The following FAM117B variants were observed in gnomAD, a reference collection of about 807,000 sequenced individuals.
The protein encoded by FAM117B is family with sequence similarity 117 member B, also known as protein FAM117B.
Under a neutral mutation model 52.8 loss-of-function variants are expected in FAM117B, and 22 were observed. The ratio of observed to expected loss-of-function variants is 0.42; its 90% CI spans 0.30 to 0.59. The LOEUF (loss-of-function observed/expected upper bound fraction) is 0.59. Ranked by LOEUF, FAM117B falls within the 20% of genes least tolerant of loss-of-function variation. FAM117B has a pLI of 0.22. For missense variants in FAM117B, 678 were observed against 802.6 expected (o/e 0.84, Z 1.88); for synonymous variants, 309 against 324.1 (o/e 0.95, Z 0.50).
At position 202,646,809 on chromosome 2, in the gene FAM117B, C is replaced by T. The variant is rs116012649; in HGVS notation, c.601+11021C>T. Reference sequence around the variant, plus strand: ...GTAAAGGAAACTTTAGTTTTTCCTTCTAAAGAAATTCCTGTATGATTTTTT... The same window carrying T: ...GTAAAGGAAACTTTAGTTTTTCCTTTTAAAGAAATTCCTGTATGATTTTTT... On this transcript the variant is annotated intron_variant, in intron 1 of 7. Transcript: ENST00000392238. Among the ~76,000 whole-genome samples, 943 of 152,148 alleles carry T rather than the reference C, an allele frequency of 6.2e-3. 4 individuals are homozygous for T. The highest frequency in any genetic ancestry group is 0.011 in the Admixed American group (172 of 15,278).
chr2:202,713,043 C>T (rs995716782), intron 2 of FAM117B, among the ~76,000 whole-genome samples: 9 of 152,178 alleles, frequency 5.9e-5, no homozygotes, highest in East Asian at 1.9e-4. Context: ...ATACTGGCCT[C>T]GTAGAATGAG....
intron 1 of FAM117B, among the ~76,000 whole-genome samples, chr2:202,680,412 A>C (rs1690444930): frequency 6.6e-6 from 1 of 152,086 alleles, no homozygotes; most frequent in African/African-American, 2.4e-5. Context: ...TAAAACTTAA[A>C]GTATAATTTA....
intron 7 of FAM117B, among the ~76,000 whole-genome samples, chr2:202,763,583 G>T (rs1022477785): frequency 6.6e-6 from 1 of 152,080 alleles, no homozygotes; most frequent in African/African-American, 2.4e-5. Context: ...CTCAAGTTCA[G>T]TGTATTGAAA....
chr2:202,725,247 C>T, intron 3 of FAM117B: 1 of 279,938 alleles, frequency 3.6e-6, no homozygotes. Context: ...TCATACCTGT[C>T]TATTAACATC....
chr2:202,749,051 GA>G (rs1166625912), intron 4 of FAM117B, among the ~76,000 whole-genome samples: 1 of 151,828 alleles, frequency 6.6e-6, no homozygotes, highest in Non-Finnish European at 1.5e-5. Flanking sequence ...CAAAGGTTTA[GA>G]AAAAATAAAT....
intron 6 of FAM117B, 146 bp from the exon 7 acceptor site, chr2:202,759,087 C>T (rs1266652259): frequency 1.2e-6 from 1 of 803,854 alleles, no homozygotes; most frequent in African/African-American, 1.7e-5. Flanking sequence ...TTTGTGTGTG[C>T]ATTTATTTAA....
In FAM117B at chr2:202,635,362, G is replaced by T. The variant is rs1221378404; in HGVS notation, c.175G>T (p.Gly59Cys). Reference sequence around the variant, plus strand: ...ACATGGCAGCCCCACGCGGAGCGGCGGCGGCGGCGGCGGCAACAACAACGG... The same window carrying T: ...ACATGGCAGCCCCACGCGGAGCGGCTGCGGCGGCGGCGGCAACAACAACGG... The part of the protein sequence containing the change: ...QQHGSPTRSG[G>C]GGGGNNNGGC... The change falls in exon 1 of 8, where the codon GGC (glycine) becomes TGC (cysteine). Residue 59 changes from glycine to cysteine, a missense_variant. By Grantham distance (159) the Gly-to-Cys change is radical. Transcript: ENST00000392238. 1.4e-5 allele frequency: 19 copies of T among 1,368,338 alleles called. No individual in the cohort carries two copies. Among genetic ancestry groups the T allele is most frequent in the Admixed American group, 3.2e-5 (1 of 31,088 alleles). The allele number at this position is 1,368,338 out of a possible 1,614,324, so 84.8% of individuals were successfully genotyped here. A position where few individuals can be genotyped will look rare whatever the true frequency, so the allele number is the denominator to read the frequency against.
At chr2:202,646,258 G>A (rs1162567874) in intron 1 of FAM117B, among the ~76,000 whole-genome samples, 1 of 152,208 alleles carries the variant, frequency 6.6e-6, no homozygotes, top group African/African-American at 2.4e-5. Flanking sequence ...TGATCCGCCT[G>A]TCTCCACCAG....
In FAM117B at chr2:202,678,080, A is replaced by G. The variant is rs553133438; in HGVS notation, c.602-17801A>G. Among the ~76,000 whole-genome samples, 385 of 152,338 alleles carry G rather than the reference A, an allele frequency of 2.5e-3. 2 individuals carry two copies. The highest frequency in any genetic ancestry group is 4.7e-3 in the Non-Finnish European group (319 of 68,032). ...ATATATTAATATGATATATATTATC[A>G]TAATCATTATCATATCATGTAATTA... On this transcript the variant is annotated intron_variant, in intron 1 of 7. Transcript: ENST00000392238.
intron 1 of FAM117B, among the ~76,000 whole-genome samples, chr2:202,671,661 A>G (rs1356438013): frequency 6.6e-6 from 1 of 152,232 alleles, no homozygotes; most frequent in African/African-American, 2.4e-5. Context: ...AATACATTGT[A>G]TATTCTCAAA....
chr2:202,690,864 C>G (rs1391737255), intron 1 of FAM117B, among the ~76,000 whole-genome samples: 2 of 152,126 alleles, frequency 1.3e-5, no homozygotes, highest in Admixed American at 1.3e-4. Context: ...GATTTTCCTC[C>G]CATAACCTCC....
intron 1 of FAM117B, among the ~76,000 whole-genome samples, chr2:202,654,507 T>C (rs1384389534): frequency 6.6e-6 from 1 of 152,152 alleles, no homozygotes; most frequent in African/African-American, 2.4e-5. Context: ...TGGAAATTTT[T>C]TTTAATACTG....
chr2:202,692,830 CT>C (rs910075693), intron 1 of FAM117B, among the ~76,000 whole-genome samples: 48 of 151,220 alleles, frequency 3.2e-4, no homozygotes, highest in African/African-American at 1.0e-3. Flanking sequence ...TTAATTCTGC[CT>C]TTTTTTTTAA....
chr2:202,655,566 G>T (rs1690039076), intron 1 of FAM117B, among the ~76,000 whole-genome samples: 1 of 152,006 alleles, frequency 6.6e-6, no homozygotes, highest in African/African-American at 2.4e-5. Flanking sequence ...GGGAAAGTTG[G>T]CTTTATAAAA....
intron 1 of FAM117B, among the ~76,000 whole-genome samples, chr2:202,668,431 G>C (rs1690241879): frequency 6.9e-6 from 1 of 145,868 alleles, no homozygotes; most frequent in Non-Finnish European, 1.5e-5. Flanking sequence ...CGGAGGCTGA[G>C]GCAGGAGAAT....
At chr2:202,642,903 G>C in intron 1 of FAM117B, among the ~76,000 whole-genome samples, 1 of 152,254 alleles carries the variant, frequency 6.6e-6, no homozygotes, top group East Asian at 1.9e-4. Flanking sequence ...TGTGAAATGT[G>C]GTAGGAGGAG....
intron 4 of FAM117B, among the ~76,000 whole-genome samples, chr2:202,748,083 T>A (rs185326051): frequency 8.5e-5 from 13 of 152,088 alleles, no homozygotes; most frequent in African/African-American, 3.1e-4. Flanking sequence ...GCTATAGTCA[T>A]CCAAACAGCA....
intron 4 of FAM117B, among the ~76,000 whole-genome samples, chr2:202,728,108 T>C (rs890209472): frequency 2.0e-5 from 3 of 152,126 alleles, no homozygotes; most frequent in East Asian, 3.9e-4. Flanking sequence ...GCCTGCTGAG[T>C]AGATGAGACT....
chr2:202,684,801 T>C (rs1275371742), intron 1 of FAM117B, among the ~76,000 whole-genome samples: 1 of 152,072 alleles, frequency 6.6e-6, no homozygotes, highest in East Asian at 1.9e-4. Flanking sequence ...TTGATGAAAG[T>C]GTTGTGATTA....
Sources: allele counts gnomAD v4.1 joint callset (sites outside exome capture counted in the v4.1 genomes callset), GRCh38; gene constraint gnomAD v4.1.1; transcripts MANE v1.5; gene names NCBI Gene and HGNC (gene_info 2026-07-23, HGNC 2026-07-21).